The following CS variants were observed in gnomAD, a reference collection of about 807,000 sequenced individuals.
The protein encoded by CS is citrate synthase, also known as citrate synthase, mitochondrial.
In CS, 13 loss-of-function variants were observed where a neutral mutation model predicts 61.4. The ratio of observed to expected loss-of-function variants is 0.21; its 90% confidence interval spans 0.14 to 0.34. CS has a LOEUF of 0.34. Ranked by LOEUF, CS falls within the 10% of genes least tolerant of loss-of-function variation. The pLI, the probability that CS is intolerant of heterozygous loss-of-function variation, is 1.00. For synonymous variants in CS, 159 were observed against 215.2 expected (o/e 0.74, Z 2.29); for missense variants, 278 against 573.4 (o/e 0.48, Z 5.26).
chr12:56,295,725 C>T (rs1258234256), intron 1 of CS, among the ~76,000 whole-genome samples: 4 of 151,346 alleles, frequency 2.6e-5, no homozygotes, highest in African/African-American at 4.9e-5. Flanking sequence ...GAGGTGGAGG[C>T]GGGCGGATCA....
chr12:56,300,172 G>C lies in CS; in HGVS notation c.30C>G (p.Leu10=). 1 of 1,571,432 alleles carries C rather than the reference G, an allele frequency of 6.4e-7. No individual in the cohort carries two copies. Among genetic ancestry groups the C allele is most frequent in the Non-Finnish European group, 8.6e-7 (1 of 1,159,630 alleles). Residue 10 remains leucine (L), a synonymous_variant, in exon 1 of 11, where the codon CTC becomes CTG. Coordinates refer to ENST00000351328, the MANE Select transcript of CS (RefSeq NM_004077.3). MALLTAAAR[L]LGTKNASCLV... is the part of the protein sequence containing the mutation. ...CCTCGCTGCTCACCTTGGTTCCCAA[G>C]AGCCGGGCGGCCGCAGTAAGTAAAG...
intron 1 of CS, chr12:56,291,072 T>A: frequency 3.1e-6 from 1 of 327,258 alleles, no homozygotes; most frequent in Non-Finnish European, 5.6e-6. Flanking sequence ...TTTTTACATT[T>A]CTAAAATGGT....
chr12:56,296,536 C>G lies in CS; in HGVS notation c.42+3624G>C, dbSNP rs147365380. On this transcript the variant is annotated intron_variant, in intron 1 of 10. Transcript: ENST00000351328. ...ATCAGATGCTAAGAAAGATCTATTG[C>G]TACAGTTGCCTCATTACGGTTTTAA... Among the ~76,000 whole-genome samples, 59 of 152,300 alleles carry G rather than the reference C, an allele frequency of 3.9e-4. No homozygotes were observed. The East Asian group carries it at 0.011, about 28-fold the overall frequency.
chr12:56,273,978 T>G, intron 9 of CS, 182 bp from the exon 10 acceptor site: 2 of 557,806 alleles, frequency 3.6e-6, no homozygotes, highest in Non-Finnish European at 6.4e-6. Flanking sequence ...GGACCACAGG[T>G]GCACACCAAC....
intron 1 of CS, among the ~76,000 whole-genome samples, chr12:56,295,395 C>T (rs1427790071): frequency 6.6e-6 from 1 of 151,544 alleles, no homozygotes; most frequent in East Asian, 2.0e-4. Flanking sequence ...GTGGCATGTG[C>T]CTGTAGTCCC....
At chr12:56,277,717 G>A (rs1359882698) in intron 6 of CS, among the ~76,000 whole-genome samples, 4 of 143,462 alleles carry the variant, frequency 2.8e-5, no homozygotes, top group African/African-American at 5.2e-5. Context: ...TGCAAGCTCC[G>A]CCTCCCGGGT....
intron 1 of CS, chr12:56,291,355 T>C: frequency 6.3e-6 from 5 of 787,742 alleles, no homozygotes; most frequent in Non-Finnish European, 7.7e-6. Context: ...CTTTCTTTCT[T>C]TTTTTTTTTT....
At chr12:56,286,231 T>A in intron 2 of CS, 1 of 573,924 alleles carries the variant, frequency 1.7e-6, no homozygotes, top group Non-Finnish European at 3.1e-6. Flanking sequence ...GTTTCTCGGT[T>A]TGGGCAGACA....
chr12:56,279,909 G>T (rs1455083726), intron 6 of CS, among the ~76,000 whole-genome samples: 2 of 145,104 alleles, frequency 1.4e-5, no homozygotes. Context: ...CAGAGGTTGT[G>T]GTGAGCTGAG....
intron 1 of CS, among the ~76,000 whole-genome samples, chr12:56,288,898 T>A (rs945760371): frequency 2.0e-5 from 3 of 152,010 alleles, no homozygotes; most frequent in African/African-American, 7.3e-5. Context: ...TGGGCTCAAG[T>A]GATCCTCCAT....
At chr12:56,284,537 A>C (rs1201444370) in intron 3 of CS, among the ~76,000 whole-genome samples, 1 of 151,064 alleles carries the variant, frequency 6.6e-6, no homozygotes, top group Non-Finnish European at 1.5e-5. Context: ...CAGCCTCCTG[A>C]GTAGCTGGGA....
At chr12:56,276,893 A>G (rs1442869788) in intron 6 of CS, among the ~76,000 whole-genome samples, 1 of 152,110 alleles carries the variant, frequency 6.6e-6, no homozygotes, top group Non-Finnish European at 1.5e-5. Context: ...CTTGACGTTC[A>G]ATGTGTTAAG....
chr12:56,292,304 A>G (rs1176646296), intron 1 of CS, among the ~76,000 whole-genome samples: 1 of 151,824 alleles, frequency 6.6e-6, no homozygotes, highest in Non-Finnish European at 1.5e-5. Flanking sequence ...AGGCTGAGGC[A>G]GGAGAAGCTC....
Position 56,300,303 on chromosome 12 carries a change from G to T in CS, c.-102C>A. ...GCACCAGAGGCCGCGCCGACGGGTT[G>T]ACAAGGTTGAAAGGAGGCGGCTGAA... On this transcript the variant is annotated 5_prime_UTR_variant, in exon 1 of 11. Coordinates refer to ENST00000351328, the MANE Select transcript of CS (RefSeq NM_004077.3). The T allele has an allele frequency of 7.7e-7, 1 of 1,293,212 alleles. No homozygotes were observed. Among genetic ancestry groups the T allele is most frequent in the Non-Finnish European group, 1.1e-6 (1 of 935,088 alleles). The allele number at this position is 1,293,212 out of a possible 1,614,324, so 80.1% of individuals were successfully genotyped here.
At chr12:56,273,463 A>G (rs1872559822) in intron 10 of CS, 124 bp downstream of exon 10, 2 of 1,095,830 alleles carry the variant, frequency 1.8e-6, no homozygotes, top group African/African-American at 3.1e-5. Context: ...CTCATAGTCA[A>G]CTTTATCAAA....
chr12:56,286,033 A>C lies in CS; in HGVS notation c.94-10T>G, dbSNP rs770261794. 1 of 1,597,844 alleles carries C rather than the reference A, an allele frequency of 6.3e-7. No homozygotes were observed. The highest frequency in any genetic ancestry group is 1.3e-5 in the African/African-American group (1 of 74,636). ...ATATGTCTTTCAAATTCTAAAAAGA[A>C]AAGTAGAAGGACTAAGCAATGGTCT... On this transcript the variant is annotated splice_polypyrimidine_tract_variant and intron_variant, in intron 2 of 10. Transcript: ENST00000351328.
At chr12:56,295,620 C>T (rs1873274151) in intron 1 of CS, among the ~76,000 whole-genome samples, 1 of 151,914 alleles carries the variant, frequency 6.6e-6, no homozygotes, top group African/African-American at 2.4e-5. Flanking sequence ...AATACTTTCT[C>T]AGGAATTAGA....
At chr12:56,275,208 G>C in intron 7 of CS, 77 bp from the exon 8 acceptor site, 1 of 1,570,804 alleles carries the variant, frequency 6.4e-7, no homozygotes, top group East Asian at 2.2e-5. Flanking sequence ...TCTCTTATTT[G>C]CCACTTACTA....
At chr12:56,286,326 A>C in intron 2 of CS, 1 of 530,704 alleles carries the variant, frequency 1.9e-6, no homozygotes, top group South Asian at 2.7e-5. Flanking sequence ...TTAAAATGGT[A>C]AATTTTATGT....
Sources: gnomAD v4.1 joint callset for allele counts (sites outside exome capture counted in the v4.1 genomes callset) on GRCh38, gnomAD v4.1.1 for gene constraint, MANE v1.5 for transcripts, NCBI Gene and HGNC (gene_info 2026-07-23, HGNC 2026-07-21) for gene names.